Variants in ADCY2 observed in about 807,000 individuals in gnomAD.
The protein encoded by ADCY2 is adenylate cyclase 2.
In ADCY2, 31 loss-of-function variants were observed where a neutral mutation model predicts 125.2. The ratio of observed to expected loss-of-function variants is 0.25; its 90% CI spans 0.19 to 0.33. The LOEUF (loss-of-function observed/expected upper bound fraction) is 0.33. Ranked by LOEUF, ADCY2 falls within the 10% of genes least tolerant of loss-of-function variation. ADCY2 has a pLI of 1.00. For missense variants in ADCY2, 904 were observed against 1,418.2 expected (o/e 0.64, Z 5.82); for synonymous variants, 512 against 548.4 (o/e 0.93, Z 0.93).
chr5:7,683,885 T>G (rs1304540137), intron 4 of ADCY2, among the ~76,000 whole-genome samples: 1 of 152,238 alleles, frequency 6.6e-6, no homozygotes, highest in Admixed American at 6.5e-5. Flanking sequence ...TATCTCCTTC[T>G]GTCAATGATA....
intron 2 of ADCY2, among the ~76,000 whole-genome samples, chr5:7,453,833 C>T (rs572821814): frequency 1.5e-4 from 23 of 152,090 alleles, no homozygotes; most frequent in Non-Finnish European, 2.6e-4. Context: ...TACTCATGCT[C>T]ACTTGGGGCC....
At chr5:7,693,468 G>GA (rs1740786511) in intron 5 of ADCY2, among the ~76,000 whole-genome samples, 1 of 140,950 alleles carries the variant, frequency 7.1e-6, no homozygotes, top group African/African-American at 2.6e-5. Flanking sequence ...ACCCAGGCTG[G>GA]AGTGCAATGG....
intron 14 of ADCY2, among the ~76,000 whole-genome samples, chr5:7,734,885 G>A (rs1742200875): frequency 6.6e-6 from 1 of 152,100 alleles, no homozygotes. Context: ...ATTGGGTGAG[G>A]GCTCCCTTTC....
chr5:7,414,424 A>G (rs1036468919), intron 1 of ADCY2, 149 bp from the exon 2 acceptor site: 31 of 574,622 alleles, frequency 5.4e-5, no homozygotes, highest in Non-Finnish European at 8.7e-5. Flanking sequence ...TGAATTTTAA[A>G]TGTTCAAACT....
chr5:7,639,662 C>T (rs749725405), intron 4 of ADCY2, among the ~76,000 whole-genome samples: 1 of 152,180 alleles, frequency 6.6e-6, no homozygotes, highest in Non-Finnish European at 1.5e-5. Context: ...TACTCCATAC[C>T]TCATGACTGC....
At position 7,757,928 on chromosome 5, in the gene ADCY2, A is replaced by G. The variant is rs143083837; in HGVS notation, c.2094+342A>G. ...GAGAGACTGGGTGACTCCTTGGATC[A>G]GTTCCCCACTTCCTTGCTCATGGTG... On this transcript the variant is annotated intron_variant, in intron 16 of 24. Coordinates refer to ENST00000338316, the MANE Select transcript of ADCY2 (RefSeq NM_020546.3). Among the ~76,000 whole-genome samples, 901 of 152,326 alleles carry G rather than the reference A, an allele frequency of 5.9e-3. 6 individuals carry two copies. The highest frequency in any genetic ancestry group is 0.021 in the African/African-American group (860 of 41,572).
chr5:7,406,275 T>A (rs1739486160), intron 1 of ADCY2, among the ~76,000 whole-genome samples: 1 of 152,200 alleles, frequency 6.6e-6, no homozygotes, highest in African/African-American at 2.4e-5. Context: ...GGAAGGGCAC[T>A]CTTTTGTTCA....
At chr5:7,504,633 G>A (rs78522658) in intron 2 of ADCY2, among the ~76,000 whole-genome samples, 21 of 40,696 alleles carry the variant, frequency 5.2e-4, no homozygotes, top group Non-Finnish European at 4.9e-5. Context: ...TTTTTTTTTT[G>A]ACAGGGTCTT....
rs1401522305 is a variant in ADCY2 at position 7,789,848 on chromosome 5, A to T, written c.2628+48A>T. The T allele has an allele frequency of 1.9e-5, 27 of 1,431,228 alleles. No individual in the cohort carries two copies. In the East Asian group the frequency reaches 6.7e-4, roughly 36 times the overall value. The allele number at this position is 1,431,228 out of a possible 1,614,324, so 88.7% of individuals were successfully genotyped here. On this transcript the variant is annotated intron_variant, in intron 20 of 24. Coordinates refer to ENST00000338316, the MANE Select transcript of ADCY2 (RefSeq NM_020546.3). ...CTGGGGGAGGGGGCTGGATGCCATGATGACCTGGGTGAGGGCTGAAAGCTT... is the reference window on the plus strand; with the variant it reads ...CTGGGGGAGGGGGCTGGATGCCATGTTGACCTGGGTGAGGGCTGAAAGCTT...
intron 2 of ADCY2, among the ~76,000 whole-genome samples, chr5:7,509,627 G>A (rs1379925969): frequency 6.6e-6 from 1 of 152,160 alleles, no homozygotes; most frequent in African/African-American, 2.4e-5. Flanking sequence ...AAGCTACCCA[G>A]TGATTCATGA....
rs1295829124 is a variant in ADCY2, at chr5:7,512,323, G to A, written c.409-8415G>A. On this transcript the variant is annotated intron_variant, in intron 2 of 24. Transcript: ENST00000338316. ...TAACATATTGTTTTGACTTCTGTGT[G>A]GAAAATTCATTCTAGGGGACACTGG... 2.0e-5 allele frequency among the ~76,000 whole-genome samples: 3 copies of A among 151,384 alleles called. No individual in the cohort carries two copies. The East Asian group carries it at 5.9e-4, about 30-fold the overall frequency.
intron 3 of ADCY2, among the ~76,000 whole-genome samples, chr5:7,538,827 A>G (rs868437993): frequency 1.2e-3 from 177 of 150,410 alleles, no homozygotes; most frequent in African/African-American, 4.0e-3. Flanking sequence ...TTTTTTGAAT[A>G]TAAATTTCTT....
At chr5:7,422,583 A>G (rs1205883770) in intron 2 of ADCY2, among the ~76,000 whole-genome samples, 1 of 152,186 alleles carries the variant, frequency 6.6e-6, no homozygotes, top group African/African-American at 2.4e-5. Flanking sequence ...ATAGAGTTCA[A>G]CAGAAACTTT....
rs1745268773 is a variant in ADCY2, at chr5:7,820,665, C to T, written c.3099C>T (p.Ser1033=). 12 of 1,613,706 alleles carry T rather than the reference C, an allele frequency of 7.4e-6. No individual in the cohort carries two copies. Among genetic ancestry groups the T allele is most frequent in the Non-Finnish European group, 1.0e-5 (12 of 1,179,852 alleles). The change falls in exon 24 of 25, where the codon AGC becomes AGT. Residue 1033 remains serine (S), a synonymous_variant. Coordinates refer to ENST00000338316, the MANE Select transcript of ADCY2 (RefSeq NM_020546.3). ...NTVNVASRMD[S]TGVLDKIQVT... is the part of the protein sequence containing the mutation. Reference sequence around the variant, plus strand: ...TCAATGTGGCCAGTAGGATGGACAGCACCGGAGTCCTGGACAAAATACAGG... The same window carrying T: ...TCAATGTGGCCAGTAGGATGGACAGTACCGGAGTCCTGGACAAAATACAGG...
intron 3 of ADCY2, among the ~76,000 whole-genome samples, chr5:7,564,128 T>C (rs1256547769): frequency 6.6e-6 from 1 of 152,182 alleles, no homozygotes; most frequent in Non-Finnish European, 1.5e-5. Flanking sequence ...CCTTCTTTTC[T>C]CCCCTTGAAC....
chr5:7,818,513 C>T (rs1745190510), intron 23 of ADCY2, among the ~76,000 whole-genome samples: 1 of 152,116 alleles, frequency 6.6e-6, no homozygotes, highest in African/African-American at 2.4e-5. Flanking sequence ...TGTGCCACCA[C>T]ACCTGGCTAA....
At position 7,771,931 on chromosome 5, in the gene ADCY2, A is replaced by G. The variant is rs114767761; in HGVS notation, c.2215-1001A>G. Among the ~76,000 whole-genome samples the G allele has an allele frequency of 9.6e-3, 1,464 of 152,322 alleles. 14 individuals carry two copies. Among genetic ancestry groups the G allele is most frequent in the Non-Finnish European group, 0.016 (1,092 of 68,032 alleles). Reference sequence around the variant, plus strand: ...TTGTCTCTGTTCTAGGAATGCTGAGATAGAAACACAAACCCTTGTTCACAG... The same window carrying G: ...TTGTCTCTGTTCTAGGAATGCTGAGGTAGAAACACAAACCCTTGTTCACAG... On this transcript the variant is annotated intron_variant, in intron 17 of 24. Coordinates refer to ENST00000338316, the MANE Select transcript of ADCY2 (RefSeq NM_020546.3).
intron 2 of ADCY2, among the ~76,000 whole-genome samples, chr5:7,423,941 C>T (rs1740299705): frequency 6.6e-6 from 1 of 152,248 alleles, no homozygotes; most frequent in African/African-American, 2.4e-5. Context: ...ACCCCCATCT[C>T]TACAGCCAAT....
At chr5:7,678,525 TACAC>T (rs1011148651) in intron 4 of ADCY2, among the ~76,000 whole-genome samples, 2 of 152,206 alleles carry the variant, frequency 1.3e-5, no homozygotes, top group Admixed American at 6.5e-5. Flanking sequence ...GAGAGAGATG[TACAC>T]ACACACATAA....
Sources: allele counts gnomAD v4.1 joint callset (sites outside exome capture counted in the v4.1 genomes callset), GRCh38; gene constraint gnomAD v4.1.1; transcripts MANE v1.5; gene names NCBI Gene and HGNC (gene_info 2026-07-23, HGNC 2026-07-21).